CDH4: variants seen among roughly 807,000 people sequenced by gnomAD.
CDH4 encodes the protein cadherin-4.
Under a neutral mutation model 86.0 loss-of-function variants are expected in CDH4, and 33 were observed. That is an observed-to-expected ratio of 0.38 (90% CI 0.29 to 0.51). CDH4 has a LOEUF of 0.51. Among genes scored for constraint, CDH4 ranks in the 20% least tolerant of loss-of-function variants. The pLI is 0.86. For missense variants in CDH4, 1,114 were observed against 1,307.4 expected (o/e 0.85, Z 2.28); for synonymous variants, 555 against 549.4 (o/e 1.01, Z -0.14).
intron 2 of CDH4, among the ~76,000 whole-genome samples, chr20:61,275,094 A>G (rs1164081066): frequency 6.6e-5 from 3 of 45,792 alleles, no homozygotes; most frequent in Non-Finnish European, 1.2e-4. Context: ...AGTTTGGGGG[A>G]GTACTGGGGG....
At chr20:61,333,406 C>A (rs2084596315) in intron 2 of CDH4, among the ~76,000 whole-genome samples, 1 of 152,188 alleles carries the variant, frequency 6.6e-6, no homozygotes, top group Non-Finnish European at 1.5e-5. Flanking sequence ...CAATGTGGCT[C>A]CTGAAGCTCT....
intron 2 of CDH4, among the ~76,000 whole-genome samples, chr20:61,656,044 A>C (rs1430059789): frequency 1.3e-5 from 2 of 152,194 alleles, no homozygotes; most frequent in Non-Finnish European, 2.9e-5. Context: ...TGGAGGAGTG[A>C]GAGGGGCTGG....
intron 2 of CDH4, among the ~76,000 whole-genome samples, chr20:61,384,575 G>A (rs943380658): frequency 2.0e-5 from 3 of 152,138 alleles, no homozygotes; most frequent in Admixed American, 1.3e-4. Flanking sequence ...CCCACCCTCT[G>A]CGTCTTCTAC....
At chr20:61,645,126 G>T (rs1568730731) in intron 2 of CDH4, among the ~76,000 whole-genome samples, 1 of 152,240 alleles carries the variant, frequency 6.6e-6, no homozygotes, top group Non-Finnish European at 1.5e-5. Flanking sequence ...GCACACTCAA[G>T]TTAGTTACTA....
At chr20:61,444,463 G>T (rs570478053) in intron 2 of CDH4, among the ~76,000 whole-genome samples, 1 of 152,002 alleles carries the variant, frequency 6.6e-6, no homozygotes, top group Admixed American at 6.5e-5. Flanking sequence ...GTATTTGTGT[G>T]TATCTGCATG....
At position 61,638,732 on chromosome 20, in the gene CDH4, C is replaced by T. The variant is rs536855744; in HGVS notation, c.170-104831C>T. On this transcript the variant is annotated intron_variant, in intron 2 of 15. Transcript: ENST00000614565. ...GAAAATGGGTTGGTTTCTGGTTTTA[C>T]TTCGACATCTGGGTAGATGCAATGC... 5.3e-5 allele frequency among the ~76,000 whole-genome samples: 8 copies of T among 152,334 alleles called. No homozygotes were observed. The South Asian group carries it at 1.7e-3, about 32-fold the overall frequency.
chr20:61,344,867 C>G (rs2084668816), intron 2 of CDH4, among the ~76,000 whole-genome samples: 1 of 152,164 alleles, frequency 6.6e-6, no homozygotes, highest in African/African-American at 2.4e-5. Context: ...TCGGAATCAG[C>G]AGAATTATAG....
At chr20:61,338,265 T>G (rs1284042763) in intron 2 of CDH4, among the ~76,000 whole-genome samples, 1 of 152,020 alleles carries the variant, frequency 6.6e-6, no homozygotes, top group African/African-American at 2.4e-5. Flanking sequence ...GTACTTTAAC[T>G]TGGGAGATTG....
chr20:61,910,426 C>T lies in CDH4; in HGVS notation c.1193C>T (p.Ala398Val). The T allele has an allele frequency of 6.2e-7, 1 of 1,612,684 alleles. No homozygotes were observed. Among genetic ancestry groups the T allele is most frequent in the Non-Finnish European group, 8.5e-7 (1 of 1,178,994 alleles). Residue 398 changes from alanine to valine, a missense_variant, in exon 9 of 16, where the codon GCA (alanine) becomes GTA (valine). Transcript: ENST00000614565. ...NPPEFTASTF[A>V]GEVPENRVET... The stretch of plus-strand genomic sequence containing the variant: ...TTCTTTCCTTCCATTTTGCAGTTTG[C>T]AGGGGAGGTCCCCGAAAACCGCGTG...
chr20:61,592,710 G>A (rs2086526764), intron 2 of CDH4, among the ~76,000 whole-genome samples: 1 of 152,102 alleles, frequency 6.6e-6, no homozygotes. Flanking sequence ...GATACCCTAT[G>A]TGAATGGAGT....
At chr20:61,422,183 T>C (rs1396510837) in intron 2 of CDH4, among the ~76,000 whole-genome samples, 1 of 151,972 alleles carries the variant, frequency 6.6e-6, no homozygotes, top group Non-Finnish European at 1.5e-5. Flanking sequence ...TCCCAGCACT[T>C]TGGGAGGCCG....
chr20:61,545,897 ATG>A (rs1044148531), intron 2 of CDH4, among the ~76,000 whole-genome samples: 8 of 95,810 alleles, frequency 8.3e-5, no homozygotes, highest in African/African-American at 2.1e-4. Context: ...ATGTGTTCGT[ATG>A]TGTGTGTGTG....
chr20:61,582,544 C>T lies in CDH4; in HGVS notation c.170-161019C>T, dbSNP rs1333592520. ...CCCTTTGGCCTGTAGACTTCCCTCC[C>T]AGTGCTTCCGGGGAGAGTCTCCCCA... On this transcript the variant is annotated intron_variant, in intron 2 of 15. Transcript: ENST00000614565. This position sits in a 1 kb window ranked among gnomAD's most constrained non-coding sequence, Gnocchi z 4.2. 1.3e-5 allele frequency among the ~76,000 whole-genome samples: 2 copies of T among 152,180 alleles called. No individual in the cohort carries two copies. The highest frequency in any genetic ancestry group is 4.8e-5 in the African/African-American group (2 of 41,456).
chr20:61,697,747 C>A (rs553752728), intron 2 of CDH4, among the ~76,000 whole-genome samples: 39 of 152,364 alleles, frequency 2.6e-4, no homozygotes, highest in Non-Finnish European at 4.6e-4. Flanking sequence ...GGAGGGACGT[C>A]TCCCCAGAGG....
intron 2 of CDH4, among the ~76,000 whole-genome samples, chr20:61,310,357 C>T (rs1330685069): frequency 6.6e-6 from 1 of 152,186 alleles, no homozygotes; most frequent in Non-Finnish European, 1.5e-5. Context: ...CACCAGGGAC[C>T]AGTTTCGTGG....
At chr20:61,688,357 G>A (rs1003518765) in intron 2 of CDH4, among the ~76,000 whole-genome samples, 1 of 151,252 alleles carries the variant, frequency 6.6e-6, no homozygotes, top group Non-Finnish European at 1.5e-5. Flanking sequence ...TCCTCCCACC[G>A]ACACCCACCA....
intron 2 of CDH4, among the ~76,000 whole-genome samples, chr20:61,633,156 A>G (rs2086911402): frequency 6.7e-6 from 1 of 148,948 alleles, no homozygotes; most frequent in African/African-American, 2.5e-5. Flanking sequence ...CCATCCACCC[A>G]TTCATCCACC....
At chr20:61,625,754 T>C (rs924993177) in intron 2 of CDH4, among the ~76,000 whole-genome samples, 1 of 152,218 alleles carries the variant, frequency 6.6e-6, no homozygotes, top group Non-Finnish European at 1.5e-5. Flanking sequence ...CATGGGTTCA[T>C]CTTCTGAGCC....
chr20:61,418,021 C>A (rs2085156236), intron 2 of CDH4, among the ~76,000 whole-genome samples: 1 of 151,968 alleles, frequency 6.6e-6, no homozygotes, highest in Non-Finnish European at 1.5e-5. Context: ...AGATCACAAG[C>A]AGAAGTCTCA....
Sources: allele counts gnomAD v4.1 joint callset (sites outside exome capture counted in the v4.1 genomes callset), GRCh38; gene constraint gnomAD v4.1.1; non-coding constraint Gnocchi (gnomAD v3.1); transcripts MANE v1.5; gene names NCBI Gene and HGNC (gene_info 2026-07-23, HGNC 2026-07-21).